Variants in UBXN7 observed in about 807,000 individuals in gnomAD.
UBXN7 encodes UBX domain-containing protein 7.
Under a neutral mutation model 58.0 loss-of-function variants are expected in UBXN7, and 9 were observed. The observed-to-expected ratio is 0.16, with a 90% CI of 0.09 to 0.27. The LOEUF (loss-of-function observed/expected upper bound fraction) is 0.27. Ranked by LOEUF, UBXN7 falls within the 10% of genes least tolerant of loss-of-function variation. The pLI is 1.00. For synonymous variants in UBXN7, 208 were observed against 205.0 expected (o/e 1.01, Z -0.12); for missense variants, 328 against 599.6 (o/e 0.55, Z 4.73).
intron 1 of UBXN7, 89 bp downstream of exon 1, chr3:196,432,238 G>T: frequency 6.5e-7 from 1 of 1,542,658 alleles, no homozygotes; most frequent in Admixed American, 1.8e-5. Context: ...GCCCGAAGGA[G>T]GAATGCCTGA....
intron 5 of UBXN7, among the ~76,000 whole-genome samples, chr3:196,383,369 G>A (rs1192859418): frequency 2.0e-5 from 3 of 152,112 alleles, no homozygotes. Context: ...ACACCCCACT[G>A]TCAATATTAG....
intron 1 of UBXN7, among the ~76,000 whole-genome samples, chr3:196,413,494 A>AG (rs749536243): frequency 3.3e-5 from 5 of 152,216 alleles, no homozygotes; most frequent in Non-Finnish European, 5.9e-5. Context: ...TAAGTTACAC[A>AG]GAACCAGGGA....
At chr3:196,371,848 C>A in intron 6 of UBXN7, 48 bp downstream of exon 6, 2 of 1,588,046 alleles carry the variant, frequency 1.3e-6, no homozygotes, top group East Asian at 2.2e-5. Flanking sequence ...ACAACCCACA[C>A]TACAAAAGTA....
At chr3:196,367,566 C>G (rs1212646777) in intron 8 of UBXN7, among the ~76,000 whole-genome samples, 1 of 152,112 alleles carries the variant, frequency 6.6e-6, no homozygotes, top group East Asian at 1.9e-4. Flanking sequence ...CCCAGGAGTT[C>G]TAGGACAGTC....
At chr3:196,428,298 G>A (rs1255112147) in intron 1 of UBXN7, among the ~76,000 whole-genome samples, 2 of 151,736 alleles carry the variant, frequency 1.3e-5, no homozygotes, top group African/African-American at 2.4e-5. Context: ...TTTCAGAACC[G>A]TGTATTTTAG....
chr3:196,421,594 A>C (rs1399028722), intron 1 of UBXN7, among the ~76,000 whole-genome samples: 8 of 146,752 alleles, frequency 5.5e-5, no homozygotes, highest in South Asian at 4.4e-4. Context: ...ACATGGTGAA[A>C]CCCCCCCCCA....
chr3:196,393,801 C>T (rs897242743), intron 3 of UBXN7, 182 bp from the exon 4 acceptor site: 15 of 464,328 alleles, frequency 3.2e-5, no homozygotes, highest in Non-Finnish European at 5.9e-5. Context: ...AATGTGCTGC[C>T]GCAGCGAGCA....
intron 10 of UBXN7, 75 bp downstream of exon 10, chr3:196,361,769 C>T: frequency 7.8e-7 from 1 of 1,274,826 alleles, no homozygotes; most frequent in Non-Finnish European, 1.1e-6. Context: ...CTTTTATATG[C>T]ACCAGGAAAC....
rs539935764 is a variant in UBXN7, at chr3:196,377,858, G to A, written c.469-5816C>T. 1.5e-4 allele frequency among the ~76,000 whole-genome samples: 23 copies of A among 152,098 alleles called. No homozygotes were observed. In the South Asian group the frequency reaches 3.5e-3, roughly 23 times the overall value. ...GCTAATTTTTTCGACTTTTTGTAGA[G>A]ACAGGGTTCCACCATATTGCCCAGG... On this transcript the variant is annotated intron_variant, in intron 5 of 10. Coordinates refer to ENST00000296328, the MANE Select transcript of UBXN7 (RefSeq NM_015562.2).
rs142513580 is a variant in UBXN7 at position 196,354,278 on chromosome 3, G to T, written c.*2407C>A. 6.6e-6 allele frequency: 1 copy of T among 152,148 alleles called. No individual in the cohort carries two copies. The highest frequency in any genetic ancestry group is 2.1e-4 in the South Asian group (1 of 4,820). The allele number at this position is 152,148 out of a possible 1,614,324, so 9.4% of individuals were successfully genotyped here. A position where few individuals can be genotyped will look rare whatever the true frequency, so the allele number is the denominator to read the frequency against. On this transcript the variant is annotated 3_prime_UTR_variant, in exon 11 of 11. Transcript: ENST00000296328. ...CTACTTAATCATCCCACAGTAACCCGAGTTGAAGAAGTTACTTTGGTTTCT... is the reference window on the plus strand; with the variant it reads ...CTACTTAATCATCCCACAGTAACCCTAGTTGAAGAAGTTACTTTGGTTTCT...
chr3:196,397,262 G>GAT (rs1351327059), intron 3 of UBXN7, among the ~76,000 whole-genome samples: 1 of 152,160 alleles, frequency 6.6e-6, no homozygotes, highest in East Asian at 1.9e-4. Context: ...AGAAATTCAG[G>GAT]AGCTTCAAAG....
chr3:196,413,317 A>G (rs1231243204), intron 1 of UBXN7, among the ~76,000 whole-genome samples: 1 of 152,254 alleles, frequency 6.6e-6, no homozygotes, highest in South Asian at 2.1e-4. Context: ...CAGCCTGGGC[A>G]ACAAGAGCGA....
intron 1 of UBXN7, among the ~76,000 whole-genome samples, chr3:196,424,181 ACACGTGGC>A (rs1730775530): frequency 6.6e-6 from 1 of 151,910 alleles, no homozygotes; most frequent in Non-Finnish European, 1.5e-5. Flanking sequence ...ATGAGCCACC[ACACGTGGC>A]CACTCCTGAT....
chr3:196,405,967 A>G (rs1306155864), intron 2 of UBXN7, among the ~76,000 whole-genome samples: 1 of 152,200 alleles, frequency 6.6e-6, no homozygotes, highest in Non-Finnish European at 1.5e-5. Flanking sequence ...ATGCTCTCCC[A>G]AAACAACTAT....
At chr3:196,392,069 T>A in intron 4 of UBXN7, 144 bp from the exon 5 acceptor site, 1 of 511,094 alleles carries the variant, frequency 2.0e-6, no homozygotes, top group Non-Finnish European at 3.3e-6. Context: ...TAATGTTGAC[T>A]CTGAAAAAAA....
At chr3:196,427,113 T>C (rs1056648345) in intron 1 of UBXN7, among the ~76,000 whole-genome samples, 1 of 152,186 alleles carries the variant, frequency 6.6e-6, no homozygotes, top group Non-Finnish European at 1.5e-5. Flanking sequence ...TGCTAGCTTA[T>C]TTTTCACCTG....
At chr3:196,420,808 A>T (rs144487063) in intron 1 of UBXN7, among the ~76,000 whole-genome samples, 88 of 152,232 alleles carry the variant, frequency 5.8e-4, no homozygotes, top group African/African-American at 2.0e-3. Context: ...GCTATCTCCT[A>T]GTTTATACTC....
At chr3:196,403,620 A>G (rs1016847557) in intron 2 of UBXN7, among the ~76,000 whole-genome samples, 7 of 152,224 alleles carry the variant, frequency 4.6e-5, no homozygotes, top group African/African-American at 1.7e-4. Context: ...TTTTCCCCCA[A>G]AAAATCAGGC....
At chr3:196,416,463 A>T (rs978678133) in intron 1 of UBXN7, among the ~76,000 whole-genome samples, 1 of 152,150 alleles carries the variant, frequency 6.6e-6, no homozygotes, top group African/African-American at 2.4e-5. Context: ...AGGAAATTCA[A>T]CTTAAAAATG....
Sources: gnomAD v4.1 joint callset for allele counts (sites outside exome capture counted in the v4.1 genomes callset) on GRCh38, gnomAD v4.1.1 for gene constraint, MANE v1.5 for transcripts, NCBI Gene and HGNC (gene_info 2026-07-23, HGNC 2026-07-21) for gene names.